CNTNAP4: variants seen among roughly 807,000 people sequenced by gnomAD.
CNTNAP4 encodes contactin-associated protein-like 4.
CNTNAP4 carries 98 observed loss-of-function variants against 148.4 expected under a neutral mutation model. The ratio of observed to expected loss-of-function variants is 0.66; its 90% confidence interval spans 0.56 to 0.78. The LOEUF is 0.78. Ranked by LOEUF, CNTNAP4 falls within the 30% of genes least tolerant of loss-of-function variation. The pLI is 0.00. For synonymous variants in CNTNAP4, 730 were observed against 565.1 expected (o/e 1.29, Z -4.14); for missense variants, 1,935 against 1,565.6 (o/e 1.24, Z -3.98).
At chr16:76,515,794 T>C (rs778811505) in intron 15 of CNTNAP4, among the ~76,000 whole-genome samples, 19 of 151,892 alleles carry the variant, frequency 1.3e-4, no homozygotes, top group Non-Finnish European at 2.2e-4. Flanking sequence ...TCAAAAGGAC[T>C]AAGATTTAAA....
At chr16:76,355,178 T>G in intron 2 of CNTNAP4, 140 bp from the exon 3 acceptor site, 1 of 492,716 alleles carries the variant, frequency 2.0e-6, no homozygotes. Context: ...TCTATATTTT[T>G]CTACAATTAT....
At chr16:76,394,946 C>G (rs1236403966) in intron 3 of CNTNAP4, among the ~76,000 whole-genome samples, 1 of 152,100 alleles carries the variant, frequency 6.6e-6, no homozygotes, top group Non-Finnish European at 1.5e-5. Flanking sequence ...CTTTTACCAC[C>G]GTGATACCAG....
chr16:76,515,224 A>G (rs2083200583), intron 15 of CNTNAP4, among the ~76,000 whole-genome samples: 1 of 152,220 alleles, frequency 6.6e-6, no homozygotes, highest in Non-Finnish European at 1.5e-5. Context: ...TATATGAAGA[A>G]TCCTCAAAAG....
chr16:76,541,318 A>G (rs1356586931), intron 21 of CNTNAP4, among the ~76,000 whole-genome samples: 1 of 152,178 alleles, frequency 6.6e-6, no homozygotes, highest in Non-Finnish European at 1.5e-5. Flanking sequence ...ATGCTTATTT[A>G]TTTCCATCAA....
chr16:76,545,236 G>T (rs1478749505), intron 21 of CNTNAP4, among the ~76,000 whole-genome samples: 1 of 152,102 alleles, frequency 6.6e-6, no homozygotes, highest in Non-Finnish European at 1.5e-5. Context: ...TCAGTGCGTA[G>T]CATGACTTTC....
intron 2 of CNTNAP4, among the ~76,000 whole-genome samples, chr16:76,324,125 T>G (rs1433518402): frequency 2.6e-5 from 4 of 152,158 alleles, no homozygotes; most frequent in Non-Finnish European, 5.9e-5. Context: ...CAGATTATCC[T>G]TCTAAGTTTT....
chr16:76,289,970 G>T (rs953929137), intron 1 of CNTNAP4, among the ~76,000 whole-genome samples: 1 of 152,160 alleles, frequency 6.6e-6, no homozygotes, highest in South Asian at 2.1e-4. Flanking sequence ...CCTCCTCATG[G>T]TACACATTTG....
intron 3 of CNTNAP4, among the ~76,000 whole-genome samples, chr16:76,391,180 T>G (rs1377214407): frequency 6.6e-6 from 1 of 152,192 alleles, no homozygotes; most frequent in Non-Finnish European, 1.5e-5. Flanking sequence ...TATCTATTGA[T>G]GTTGACAGCA....
At chr16:76,305,986 G>T (rs1960438989) in intron 1 of CNTNAP4, among the ~76,000 whole-genome samples, 1 of 152,158 alleles carries the variant, frequency 6.6e-6, no homozygotes, top group South Asian at 2.1e-4. Flanking sequence ...TGAAGGAGAT[G>T]ATTTTATTCT....
chr16:76,535,321 A>C (rs563411158), intron 17 of CNTNAP4, among the ~76,000 whole-genome samples: 2 of 152,302 alleles, frequency 1.3e-5, no homozygotes, highest in East Asian at 3.9e-4. Context: ...AAGATCAATA[A>C]ATATTTTTTA....
chr16:76,374,757 T>TAG, intron 3 of CNTNAP4, among the ~76,000 whole-genome samples: 1 of 146,484 alleles, frequency 6.8e-6, no homozygotes, highest in South Asian at 2.1e-4. Flanking sequence ...ATTATTATTA[T>TAG]TATTATTATT....
At chr16:76,354,693 T>C (rs1567824255) in intron 2 of CNTNAP4, among the ~76,000 whole-genome samples, 2 of 152,204 alleles carry the variant, frequency 1.3e-5, no homozygotes, top group Non-Finnish European at 2.9e-5. Context: ...GGGAACAAGC[T>C]CCAACCCACC....
chr16:76,537,069 A>T (rs2084243527), intron 18 of CNTNAP4, among the ~76,000 whole-genome samples: 1 of 152,196 alleles, frequency 6.6e-6, no homozygotes, highest in East Asian at 1.9e-4. Context: ...TCATAATCAT[A>T]TACTGCTGGT....
intron 4 of CNTNAP4, among the ~76,000 whole-genome samples, chr16:76,437,345 C>T (rs1460100482): frequency 1.3e-5 from 2 of 151,906 alleles, no homozygotes; most frequent in African/African-American, 4.8e-5. Flanking sequence ...TACTTCAGTC[C>T]AATCAAGTTG....
chr16:76,400,066 A>G (rs769354050), intron 3 of CNTNAP4, among the ~76,000 whole-genome samples: 1 of 152,192 alleles, frequency 6.6e-6, no homozygotes, highest in Non-Finnish European at 1.5e-5. Flanking sequence ...TGTGCTTAAT[A>G]ATACCTTATA....
chr16:76,502,644 A>G (rs968674090), intron 15 of CNTNAP4, among the ~76,000 whole-genome samples: 3 of 152,180 alleles, frequency 2.0e-5, no homozygotes, highest in African/African-American at 4.8e-5. Context: ...GAACTAGGCA[A>G]TGATTGGCAT....
intron 3 of CNTNAP4, among the ~76,000 whole-genome samples, chr16:76,395,869 C>T (rs2078185565): frequency 6.6e-6 from 1 of 151,974 alleles, no homozygotes; most frequent in Non-Finnish European, 1.5e-5. Context: ...GCTAGGACTA[C>T]AGGTGTGTCC....
intron 17 of CNTNAP4, among the ~76,000 whole-genome samples, chr16:76,522,808 G>A (rs1224011079): frequency 1.4e-5 from 2 of 144,598 alleles, no homozygotes; most frequent in African/African-American, 5.1e-5. Flanking sequence ...TGTCACCCAG[G>A]CTGGAGTGCA....
intron 3 of CNTNAP4, among the ~76,000 whole-genome samples, chr16:76,355,843 T>C (rs1450499348): frequency 6.0e-5 from 2 of 33,224 alleles, no homozygotes; most frequent in Non-Finnish European, 1.6e-4. Flanking sequence ...CATTGTCTTT[T>C]ATTTATTTAT....
Sources: allele counts gnomAD v4.1 joint callset (sites outside exome capture counted in the v4.1 genomes callset), GRCh38; gene constraint gnomAD v4.1.1; transcripts MANE v1.5; gene names NCBI Gene and HGNC (gene_info 2026-07-23, HGNC 2026-07-21).